The following AGAP1 variants were observed in gnomAD, a reference collection of about 807,000 sequenced individuals.
AGAP1 encodes the protein arf-GAP with GTPase, ANK repeat and PH domain-containing protein 1.
A neutral mutation model predicts 105.3 loss-of-function variants in AGAP1; 29 were observed. That is an observed-to-expected ratio of 0.28 (90% CI 0.21 to 0.38). The LOEUF is 0.38. Among genes scored for constraint, AGAP1 ranks in the 10% least tolerant of loss-of-function variants. The pLI, the probability that AGAP1 is intolerant of heterozygous loss-of-function variation, is 1.00. For missense variants in AGAP1, 998 were observed against 1,165.1 expected (o/e 0.86, Z 2.09); for synonymous variants, 509 against 485.9 (o/e 1.05, Z -0.63).
chr2:236,067,690 G>A, intron 16 of AGAP1, among the ~76,000 whole-genome samples: 1 of 152,322 alleles, frequency 6.6e-6, no homozygotes, highest in Non-Finnish European at 1.5e-5. Flanking sequence ...AGAGAATGGG[G>A]TCCTGTCTTT....
intron 13 of AGAP1, among the ~76,000 whole-genome samples, chr2:236,025,339 C>T (rs2057017415): frequency 1.3e-5 from 2 of 152,088 alleles, no homozygotes. Flanking sequence ...CTGCCAATTA[C>T]TGTTTTGATC....
chr2:235,494,232 G>C lies in AGAP1; in HGVS notation c.-455G>C, dbSNP rs962630590. On this transcript the variant is annotated 5_prime_UTR_variant, in exon 1 of 18. Transcript: ENST00000304032. ...GCGCGGACCCACGCCACGGCCAGGAGCCCAGAGCAGCGCGGCCACACTGCC... is the reference window on the plus strand; with the variant it reads ...GCGCGGACCCACGCCACGGCCAGGACCCCAGAGCAGCGCGGCCACACTGCC... The C allele has an allele frequency of 6.9e-6, 1 of 145,446 alleles. No homozygotes were observed. Among genetic ancestry groups the C allele is most frequent in the Non-Finnish European group, 1.5e-5 (1 of 65,498 alleles). 9.0% of individuals were successfully genotyped at this position (145,446 alleles called of 1,614,324 possible). A position where few individuals can be genotyped will look rare whatever the true frequency, so the allele number is the denominator to read the frequency against.
Position 236,073,861 on chromosome 2 carries a change from C to A in AGAP1, c.2114+24580C>A, listed in dbSNP as rs925290865. The stretch of plus-strand genomic sequence containing the variant: ...AGGAGACCTGCAGCCCCCCACCAGA[C>A]CCCCAGAATCACACTATGCTGGTTG... On this transcript the variant is annotated intron_variant, in intron 16 of 17. Coordinates refer to ENST00000304032, the MANE Select transcript of AGAP1 (RefSeq NM_001037131.3). The surrounding 1 kb of genome is among the most constrained non-coding windows in gnomAD (Gnocchi z 5.4). 5.9e-5 allele frequency among the ~76,000 whole-genome samples: 9 copies of A among 152,152 alleles called. No individual in the cohort carries two copies. Among genetic ancestry groups the A allele is most frequent in the African/African-American group, 2.2e-4 (9 of 41,434 alleles).
intron 16 of AGAP1, among the ~76,000 whole-genome samples, chr2:236,108,154 G>A (rs961230810): frequency 3.3e-5 from 5 of 152,326 alleles, no homozygotes; most frequent in Non-Finnish European, 5.9e-5. Flanking sequence ...CCCTAGCAAC[G>A]CAGCTCAGGG....
rs941076087 is a variant in AGAP1, at chr2:235,961,818, G to A, written c.1484-6644G>A. Among the ~76,000 whole-genome samples, 13 of 152,156 alleles carry A rather than the reference G, an allele frequency of 8.5e-5. No individual in the cohort carries two copies. Among genetic ancestry groups the A allele is most frequent in the South Asian group, 2.1e-4 (1 of 4,836 alleles). ...CAGGAGGCAGAGGTGGCAGTGAGCC[G>A]AGATCACGCCACTGCACTACAGCCT... is the stretch of plus-strand genomic sequence containing the variant. On this transcript the variant is annotated intron_variant, in intron 12 of 17. Coordinates refer to ENST00000304032, the MANE Select transcript of AGAP1 (RefSeq NM_001037131.3). The surrounding 1 kb of genome is among the most constrained non-coding windows in gnomAD (Gnocchi z 5.9).
chr2:235,779,478 A>G (rs1052499068), intron 6 of AGAP1, among the ~76,000 whole-genome samples: 3 of 152,198 alleles, frequency 2.0e-5, no homozygotes, highest in African/African-American at 4.8e-5. Context: ...TTCGAATGCC[A>G]TATTTGGCTA....
At chr2:236,034,820 C>T (rs2057330665) in intron 13 of AGAP1, among the ~76,000 whole-genome samples, 1 of 152,218 alleles carries the variant, frequency 6.6e-6, no homozygotes, top group Non-Finnish European at 1.5e-5. Context: ...CAGTGGCTGT[C>T]AGCACCTAGG....
At chr2:235,536,730 G>A (rs1345234208) in intron 1 of AGAP1, among the ~76,000 whole-genome samples, 5 of 151,990 alleles carry the variant, frequency 3.3e-5, no homozygotes, top group South Asian at 2.1e-4. Flanking sequence ...CTGCGAAGAC[G>A]TCTTTGAGTC....
intron 9 of AGAP1, among the ~76,000 whole-genome samples, chr2:235,851,076 C>T (rs906370379): frequency 2.6e-5 from 4 of 152,234 alleles, no homozygotes; most frequent in Non-Finnish European, 5.9e-5. Flanking sequence ...AGGAAGGGCG[C>T]TGAGCTGCAA....
At chr2:235,781,007 T>G (rs10169298) in intron 6 of AGAP1, among the ~76,000 whole-genome samples, 5,928 of 152,262 alleles carry the variant, frequency 0.039, 381 homozygotes, top group African/African-American at 0.13. Context: ...TCTGGACAAT[T>G]ATTTAAGACA....
At chr2:235,715,108 C>T (rs905619199) in intron 2 of AGAP1, among the ~76,000 whole-genome samples, 1 of 152,162 alleles carries the variant, frequency 6.6e-6, no homozygotes, top group African/African-American at 2.4e-5. Flanking sequence ...TGTGTTTGTT[C>T]TTAATAGCTA....
chr2:236,024,029 T>TTTTTTTTTG (rs2056970854), intron 13 of AGAP1, among the ~76,000 whole-genome samples: 1 of 114,088 alleles, frequency 8.8e-6, no homozygotes, highest in African/African-American at 4.2e-5. Context: ...TTGTTTTTTT[T>TTTTTTTTTG]TTTTGTTTTT....
Position 235,709,084 on chromosome 2 carries a change from G to C in AGAP1, c.164-95G>C, listed in dbSNP as rs1950693251. 2.4e-6 allele frequency: 3 copies of C among 1,247,352 alleles called. No individual in the cohort carries two copies. In the Admixed American group the frequency reaches 5.1e-5, roughly 21 times the overall value. The allele number at this position is 1,247,352 out of a possible 1,614,324, so 77.3% of individuals were successfully genotyped here. A position where few individuals can be genotyped will look rare whatever the true frequency, so the allele number is the denominator to read the frequency against. ...GGGAGGCTTGTCTGCACCATCTTCAGTGACCTTCGGATGTGAAAATGGCCC... is the reference window on the plus strand; with the variant it reads ...GGGAGGCTTGTCTGCACCATCTTCACTGACCTTCGGATGTGAAAATGGCCC... On this transcript the variant is annotated intron_variant, in intron 1 of 17. Transcript: ENST00000304032.
chr2:235,838,367 G>T (rs1044794711), intron 9 of AGAP1, among the ~76,000 whole-genome samples: 4 of 152,218 alleles, frequency 2.6e-5, no homozygotes, highest in African/African-American at 9.6e-5. Flanking sequence ...CTAAAAGTAT[G>T]TGTATATACA....
In AGAP1 at chr2:235,662,517, ATTTTTTTT is replaced by A. The variant is rs66689239; in HGVS notation, c.164-46650_164-46643del. ...CTGTCTGCCTTCATGGAAGTTGGTGATTTTTTTTTTTTTTTTTTTGGCTCTGTTGCCCA... is the reference window on the plus strand; with the variant it reads ...CTGTCTGCCTTCATGGAAGTTGGTGATTTTTTTTTTTGGCTCTGTTGCCCA... On this transcript the variant is annotated intron_variant, in intron 1 of 17. Transcript: ENST00000304032. This position sits in a 1 kb window ranked among gnomAD's most constrained non-coding sequence, Gnocchi z 4.2. Among the ~76,000 whole-genome samples the A allele has an allele frequency of 8.0e-6, 1 of 124,622 alleles. No individual in the cohort carries two copies. Among genetic ancestry groups the A allele is most frequent in the Admixed American group, 8.3e-5 (1 of 12,080 alleles). 81.8% of individuals were successfully genotyped at this position (124,622 alleles called of 152,430 possible).
In AGAP1 at chr2:236,096,793, A is replaced by C. The variant is rs2059202298; in HGVS notation, c.2115-23399A>C. Among the ~76,000 whole-genome samples the C allele has an allele frequency of 6.6e-6, 1 of 151,950 alleles. No homozygotes were observed. Among genetic ancestry groups the C allele is most frequent in the Non-Finnish European group, 1.5e-5 (1 of 68,004 alleles). Reference sequence around the variant, plus strand: ...GAAATGGAGTTTCACCGTGTTGGCCAGGCTGGTCTCGAGCTCCCAACCTCA... The same window carrying C: ...GAAATGGAGTTTCACCGTGTTGGCCCGGCTGGTCTCGAGCTCCCAACCTCA... On this transcript the variant is annotated intron_variant, in intron 16 of 17. Transcript: ENST00000304032. This position sits in a 1 kb window ranked among gnomAD's most constrained non-coding sequence, Gnocchi z 4.4.
chr2:235,530,190 C>G (rs1350403513), intron 1 of AGAP1, among the ~76,000 whole-genome samples: 5 of 152,126 alleles, frequency 3.3e-5, no homozygotes, highest in African/African-American at 1.2e-4. Context: ...CACGAACTGA[C>G]CAGAGCCAGC....
rs1455712048 is a variant in AGAP1 at position 235,872,932 on chromosome 2, T to C, written c.1051-10413T>C. Among the ~76,000 whole-genome samples the C allele has an allele frequency of 1.3e-5, 2 of 152,082 alleles. No individual in the cohort carries two copies. The highest frequency in any genetic ancestry group is 2.4e-5 in the African/African-American group (1 of 41,334). ...TGAGAAGACCTCTCAATGGGGCTTT[T>C]GTGGTGGCTCCACGGTCCCTGAAAG... On this transcript the variant is annotated intron_variant, in intron 9 of 17. Coordinates refer to ENST00000304032, the MANE Select transcript of AGAP1 (RefSeq NM_001037131.3). This position sits in a 1 kb window ranked among gnomAD's most constrained non-coding sequence, Gnocchi z 4.5.
chr2:235,990,884 A>T (rs1342098218), intron 13 of AGAP1, among the ~76,000 whole-genome samples: 1 of 152,238 alleles, frequency 6.6e-6, no homozygotes, highest in Non-Finnish European at 1.5e-5. Context: ...ATGGAACAAG[A>T]TAGAGTAAGA....
Sources: allele counts gnomAD v4.1 joint callset (sites outside exome capture counted in the v4.1 genomes callset), GRCh38; gene constraint gnomAD v4.1.1; non-coding constraint Gnocchi (gnomAD v3.1); transcripts MANE v1.5; gene names NCBI Gene and HGNC (gene_info 2026-07-23, HGNC 2026-07-21).